The following SYNJ2 variants were observed in gnomAD, a reference collection of about 807,000 sequenced individuals.
The protein encoded by SYNJ2 is synaptojanin 2.
A neutral mutation model predicts 141.3 loss-of-function variants in SYNJ2; 116 were observed. The ratio of observed to expected loss-of-function variants is 0.82; its 90% CI spans 0.71 to 0.96. The LOEUF is 0.96. SYNJ2 is among the 40% of genes least tolerant of loss of function. The probability of loss-of-function intolerance (pLI) is 0.00; values close to 1 mark genes in which losing one functional copy is unlikely to be tolerated. For missense variants in SYNJ2, 1,873 were observed against 1,934.8 expected (o/e 0.97, Z 0.60); for synonymous variants, 745 against 777.7 (o/e 0.96, Z 0.70).
At chr6:158,063,010 G>A (rs933740135) in intron 8 of SYNJ2, among the ~76,000 whole-genome samples, 5 of 152,022 alleles carry the variant, frequency 3.3e-5, no homozygotes, top group South Asian at 4.2e-4. Context: ...CAGTGCTGTC[G>A]GCCATGGTTC....
chr6:158,064,680 T>G lies in SYNJ2; in HGVS notation c.1289T>G (p.Met430Arg), dbSNP rs1196841549. The G allele has an allele frequency of 2.5e-6, 4 of 1,613,962 alleles. No individual in the cohort carries two copies. The African/African-American group carries it at 5.3e-5, about 22-fold the overall frequency. ...CGCTTTGTGGAGTCCTTCAAAGCCA[T>G]GTGGTCTCTGAATGGCCACAGCCTG... ...VDRFVESFKA[M>R]WSLNGHSLSK... The change falls in exon 10 of 27, where the codon ATG becomes AGG. Residue 430 changes from methionine to arginine, a missense_variant. Physicochemically the swap from Met to Arg is moderately conservative, Grantham distance 91. Coordinates refer to ENST00000355585, the MANE Select transcript of SYNJ2 (RefSeq NM_003898.4).
Position 158,083,346 on chromosome 6 carries a change from G to T in SYNJ2, c.2866-83G>T, listed in dbSNP as rs1156582098. 2.0e-6 allele frequency: 3 copies of T among 1,512,322 alleles called. No homozygotes were observed. The Admixed American group carries it at 5.5e-5, about 28-fold the overall frequency. 93.7% of individuals were successfully genotyped at this position (1,512,322 alleles called of 1,614,324 possible). On this transcript the variant is annotated intron_variant, in intron 20 of 26. Transcript: ENST00000355585. ...AAGATTGGCCTCGTTGAGGGTGTGT[G>T]GGTTTTGGTGAGAAGCATTGTGTGA...
Position 158,063,777 on chromosome 6 carries a change from C to A in SYNJ2, c.1128-14C>A. 1 of 1,560,216 alleles carries A rather than the reference C, an allele frequency of 6.4e-7. No homozygotes were observed. The highest frequency in any genetic ancestry group is 1.1e-5 in the South Asian group (1 of 90,446). On this transcript the variant is annotated splice_polypyrimidine_tract_variant and intron_variant, in intron 8 of 26. Coordinates refer to ENST00000355585, the MANE Select transcript of SYNJ2 (RefSeq NM_003898.4). ...AAACAACATATAACCGTTTACATTT[C>A]TTCTTGTCCTAAGTTTTCAGAAAGG...
At chr6:157,984,000 T>TC (rs1259248981) in intron 1 of SYNJ2, among the ~76,000 whole-genome samples, 1 of 150,832 alleles carries the variant, frequency 6.6e-6, no homozygotes, top group Non-Finnish European at 1.5e-5. Context: ...GCTAATTTTT[T>TC]CTCTTTCTTT....
At chr6:158,092,111 T>TAAA (rs35903216) in intron 25 of SYNJ2, among the ~76,000 whole-genome samples, 31 of 148,446 alleles carry the variant, frequency 2.1e-4, no homozygotes, top group Admixed American at 3.4e-4. Flanking sequence ...ATAAAGCTGT[T>TAAA]AAAAAAAAAA....
At chr6:158,024,910 G>A (rs377597770) in intron 2 of SYNJ2, among the ~76,000 whole-genome samples, 9 of 152,292 alleles carry the variant, frequency 5.9e-5, no homozygotes, top group East Asian at 5.8e-4. Context: ...TTAGTTTTAC[G>A]TGTCAATATT....
chr6:158,025,053 G>A (rs558394558), intron 2 of SYNJ2, among the ~76,000 whole-genome samples: 7 of 152,318 alleles, frequency 4.6e-5, no homozygotes, highest in East Asian at 3.9e-4. Flanking sequence ...CGTAGTAGAC[G>A]GGGTGGCTTA....
At chr6:158,061,763 TCTG>T (rs1781234222) in intron 7 of SYNJ2, among the ~76,000 whole-genome samples, 1 of 152,238 alleles carries the variant, frequency 6.6e-6, no homozygotes, top group South Asian at 2.1e-4. Context: ...AGGGGGACCT[TCTG>T]CCCTTTCGCA....
At chr6:158,023,105 G>A (rs1778861327) in intron 2 of SYNJ2, among the ~76,000 whole-genome samples, 1 of 151,970 alleles carries the variant, frequency 6.6e-6, no homozygotes, top group Non-Finnish European at 1.5e-5. Flanking sequence ...GGTATCTACA[G>A]CACCATGCCA....
At chr6:158,038,247 C>T (rs760458024) in intron 4 of SYNJ2, among the ~76,000 whole-genome samples, 14 of 152,106 alleles carry the variant, frequency 9.2e-5, no homozygotes, top group African/African-American at 2.9e-4. Context: ...TGTCCTTTTT[C>T]GTCCTCTGGG....
Position 158,028,906 on chromosome 6 carries a change from A to C in SYNJ2, c.365A>C (p.Lys122Thr). The C allele has an allele frequency of 6.2e-7, 1 of 1,614,206 alleles. No individual in the cohort carries two copies. Among genetic ancestry groups the C allele is most frequent in the Non-Finnish European group, 8.5e-7 (1 of 1,180,034 alleles). ...GAGGAACGCCTCATAGCTTTGAAGA[A>C]AATCCTCAGCTCGGGGGTGTTCTAT... is the stretch of plus-strand genomic sequence containing the variant. ...KEEERLIALKKILSSGVFYFS... is the reference protein window; with the variant it reads ...KEEERLIALKTILSSGVFYFS... The change falls in exon 3 of 27, where the codon AAA becomes ACA. Residue 122 changes from lysine (K) to threonine (T), a missense_variant. By Grantham distance (78) the Lys-to-Thr change is moderately conservative (BLOSUM62 -1). Transcript: ENST00000355585.
chr6:158,074,977 T>G (rs7765938), intron 16 of SYNJ2, among the ~76,000 whole-genome samples: 1 of 149,948 alleles, frequency 6.7e-6, no homozygotes, highest in African/African-American at 2.5e-5. Context: ...GTCACCCAGG[T>G]TGGAGTGCAG....
intron 18 of SYNJ2, 71 bp downstream of exon 18, chr6:158,078,352 T>C (rs1782457071): frequency 9.9e-7 from 1 of 1,007,094 alleles, no homozygotes; most frequent in South Asian, 1.4e-5. Flanking sequence ...CGCAGGAAAA[T>C]GCATGCTGTC....
chr6:158,044,258 G>A (rs377233261), intron 5 of SYNJ2, among the ~76,000 whole-genome samples: 2 of 152,194 alleles, frequency 1.3e-5, no homozygotes, highest in African/African-American at 2.4e-5. Flanking sequence ...GTTTGACAAC[G>A]CTGGACTCAG....
chr6:158,056,281 T>C (rs1165690314), intron 6 of SYNJ2, among the ~76,000 whole-genome samples: 1 of 152,192 alleles, frequency 6.6e-6, no homozygotes, highest in African/African-American at 2.4e-5. Context: ...GAGATGCACG[T>C]ACCACAGAGA....
chr6:158,095,148 C>CAAAA (rs776140659), intron 26 of SYNJ2, among the ~76,000 whole-genome samples: 36 of 113,606 alleles, frequency 3.2e-4, no homozygotes, highest in African/African-American at 1.1e-3. Flanking sequence ...GACTCCTTCT[C>CAAAA]AAAAAAAAAA....
At chr6:158,081,782 C>T (rs1469861542) in intron 20 of SYNJ2, among the ~76,000 whole-genome samples, 1 of 151,856 alleles carries the variant, frequency 6.6e-6, no homozygotes, top group Non-Finnish European at 1.5e-5. Flanking sequence ...CCACCACACC[C>T]AGCTAATTTT....
chr6:158,019,106 G>A (rs751156727), intron 2 of SYNJ2, among the ~76,000 whole-genome samples: 8 of 152,242 alleles, frequency 5.3e-5, no homozygotes, highest in Non-Finnish European at 1.2e-4. Context: ...TTTTCCACAT[G>A]GTAGTATCTG....
chr6:158,042,875 T>G (rs951083032), intron 4 of SYNJ2, among the ~76,000 whole-genome samples: 5 of 152,218 alleles, frequency 3.3e-5, no homozygotes, highest in African/African-American at 1.2e-4. Flanking sequence ...CACTGGTGCA[T>G]TTTATTTCAT....
Sources: allele counts gnomAD v4.1 joint callset (sites outside exome capture counted in the v4.1 genomes callset), GRCh38; gene constraint gnomAD v4.1.1; transcripts MANE v1.5; gene names NCBI Gene and HGNC (gene_info 2026-07-23, HGNC 2026-07-21).